Variants in QTGAL observed in about 807,000 individuals in gnomAD.
The protein encoded by QTGAL is queuosine-tRNA galactosyltransferase.
chr17:82,959,521 A>G, the QTGAL span, among the ~76,000 whole-genome samples: 693 of 151,534 alleles, frequency 4.6e-3, 10 homozygotes, highest in African/African-American at 0.015. Context: ...GGCTGCGGGG[A>G]CTTCCCCACC....
chr17:82,942,402 T>C, the QTGAL span: 1 of 1,613,172 alleles, frequency 6.2e-7, no homozygotes, highest in East Asian at 2.2e-5. Context: ...CTGGGAATGG[T>C]GTGTGTTGGA....
chr17:82,961,221 G>T, the QTGAL span: 1 of 1,588,602 alleles, frequency 6.3e-7, no homozygotes, highest in Non-Finnish European at 8.6e-7. Context: ...TGGGGCCCCA[G>T]AAACGCGTGC....
chr17:82,979,595 T>A, the QTGAL span, among the ~76,000 whole-genome samples: 1 of 151,156 alleles, frequency 6.6e-6, no homozygotes. Flanking sequence ...AACTACAACA[T>A]GTGAATGAAG....
At chr17:83,039,318 G>GCAGATTAGCT in the QTGAL span, among the ~76,000 whole-genome samples, 20 of 57,334 alleles carry the variant, frequency 3.5e-4, no homozygotes, top group South Asian at 1.2e-3. Context: ...TAGACACACT[G>GCAGATTAGCT]CTGGGCGCCC....
chr17:83,018,351 C>T, the QTGAL span, among the ~76,000 whole-genome samples: 11 of 152,228 alleles, frequency 7.2e-5, no homozygotes, highest in East Asian at 9.6e-4. Flanking sequence ...ATGTACCACA[C>T]GTGCTCCGTG....
the QTGAL span, among the ~76,000 whole-genome samples, chr17:82,969,149 A>G: frequency 6.6e-6 from 1 of 150,588 alleles, no homozygotes; most frequent in Admixed American, 6.6e-5. Flanking sequence ...AAAAAAAAAA[A>G]GAAAAGAAAA....
chr17:82,982,611 C>A, the QTGAL span, among the ~76,000 whole-genome samples: 1 of 133,868 alleles, frequency 7.5e-6, no homozygotes, highest in African/African-American at 3.2e-5. Context: ...AAATCTGGTG[C>A]CTTGATCTGG....
the QTGAL span, among the ~76,000 whole-genome samples, chr17:82,982,235 C>T: frequency 0.57 from 86,684 of 151,172 alleles, 25,287 homozygotes; most frequent in East Asian, 0.78. Context: ...CTTGCTGTCC[C>T]GGGTGTCAGT....
the QTGAL span, among the ~76,000 whole-genome samples, chr17:83,033,679 G>C: frequency 1.1e-4 from 17 of 151,994 alleles, no homozygotes; most frequent in African/African-American, 3.9e-4. Flanking sequence ...CACCGTGTTA[G>C]CCAGGATGGT....
the QTGAL span, among the ~76,000 whole-genome samples, chr17:83,023,407 T>A: frequency 6.7e-6 from 1 of 148,668 alleles, no homozygotes; most frequent in African/African-American, 2.4e-5. Flanking sequence ...TGCTCTCCGC[T>A]GTTTTCTAAA....
At chr17:82,951,136 G>C in the QTGAL span, among the ~76,000 whole-genome samples, 1 of 152,360 alleles carries the variant, frequency 6.6e-6, no homozygotes, top group South Asian at 2.1e-4. Flanking sequence ...CAAAGAGTCA[G>C]ACTGTCTTTT....
the QTGAL span, among the ~76,000 whole-genome samples, chr17:82,962,664 G>A: frequency 6.9e-6 from 1 of 145,110 alleles, no homozygotes; most frequent in Non-Finnish European, 1.5e-5. Flanking sequence ...CCCTCGCAGG[G>A]GTCACTGAGG....
At chr17:83,030,074 TGAG>T in the QTGAL span, among the ~76,000 whole-genome samples, 1 of 152,158 alleles carries the variant, frequency 6.6e-6, no homozygotes, top group South Asian at 2.1e-4. Flanking sequence ...CGTGAACAAA[TGAG>T]GAGAATGTGT....
chr17:82,946,753 G>C, the QTGAL span: 3 of 766,004 alleles, frequency 3.9e-6, no homozygotes, highest in Non-Finnish European at 6.0e-6. Flanking sequence ...AGAAAGGCTG[G>C]AAATTAATGA....
the QTGAL span, chr17:83,014,360 G>A: frequency 7.3e-7 from 1 of 1,377,638 alleles, no homozygotes; most frequent in East Asian, 2.4e-5. Context: ...ACCATAGCCT[G>A]ATTCTTTCCA....
At chr17:82,977,746 C>T in the QTGAL span, among the ~76,000 whole-genome samples, 5 of 152,038 alleles carry the variant, frequency 3.3e-5, no homozygotes, top group African/African-American at 1.2e-4. Flanking sequence ...CGGTGACGCC[C>T]GAGAGGAGAA....
the QTGAL span, among the ~76,000 whole-genome samples, chr17:82,987,590 G>A: frequency 9.2e-5 from 14 of 152,184 alleles, no homozygotes; most frequent in Non-Finnish European, 1.9e-4. Context: ...TATATGTGTG[G>A]TTTTATTTCT....
the QTGAL span, among the ~76,000 whole-genome samples, chr17:83,046,057 C>G: frequency 6.6e-6 from 1 of 152,176 alleles, no homozygotes; most frequent in Non-Finnish European, 1.5e-5. Flanking sequence ...CTCCTGACCT[C>G]TGGTGATCCA....
chr17:82,987,206 CA>C, the QTGAL span, among the ~76,000 whole-genome samples: 1 of 152,106 alleles, frequency 6.6e-6, no homozygotes, highest in Non-Finnish European at 1.5e-5. Context: ...TCATGTGCTC[CA>C]TAATTATATA....
Sources: gnomAD v4.1 joint callset for allele counts (sites outside exome capture counted in the v4.1 genomes callset) on GRCh38, gnomAD v4.1.1 for gene constraint, MANE v1.5 for transcripts, NCBI Gene and HGNC (gene_info 2026-07-23, HGNC 2026-07-21) for gene names.